Variants in PDLIM5 observed in about 807,000 individuals in gnomAD.
PDLIM5 encodes the protein PDZ and LIM domain protein 5.
A neutral mutation model predicts 64.2 loss-of-function variants in PDLIM5; 34 were observed. The observed-to-expected ratio is 0.53, with a 90% CI of 0.40 to 0.71. The LOEUF (loss-of-function observed/expected upper bound fraction) is 0.71. Ranked by LOEUF, PDLIM5 falls within the 30% of genes least tolerant of loss-of-function variation. The probability of loss-of-function intolerance (pLI) is 0.00; values close to 1 mark genes in which losing one functional copy is unlikely to be tolerated. For synonymous variants in PDLIM5, 253 were observed against 269.1 expected, an observed-to-expected ratio of 0.94 and a Z score of 0.59; for missense variants, 683 against 733.6, an observed-to-expected ratio of 0.93 and a Z score of 0.80.
At chr4:94,587,951 A>G (rs1578427870) in intron 7 of PDLIM5, 1 of 980,448 alleles carries the variant, frequency 1.0e-6, no homozygotes, top group South Asian at 4.7e-5. Flanking sequence ...GACGTAAACT[A>G]CTGTGCACTG....
intron 7 of PDLIM5, chr4:94,607,958 TG>T: frequency 1.4e-6 from 1 of 723,032 alleles, no homozygotes; most frequent in Non-Finnish European, 2.1e-6. Context: ...TTCCCAAAAT[TG>T]AACTAGTAGA....
intron 2 of PDLIM5, among the ~76,000 whole-genome samples, chr4:94,503,011 G>A (rs1371454364): frequency 1.3e-5 from 2 of 152,094 alleles, no homozygotes; most frequent in Non-Finnish European, 2.9e-5. Context: ...CTTTGGTAAG[G>A]TTTTTTCCTT....
At chr4:94,524,780 A>G (rs1416007946) in intron 3 of PDLIM5, among the ~76,000 whole-genome samples, 1 of 152,202 alleles carries the variant, frequency 6.6e-6, no homozygotes, top group Non-Finnish European at 1.5e-5. Flanking sequence ...TTCTGGAAGG[A>G]AAGACCAGGA....
chr4:94,497,233 G>T (rs1227749993), intron 2 of PDLIM5, among the ~76,000 whole-genome samples: 1 of 152,128 alleles, frequency 6.6e-6, no homozygotes, highest in Non-Finnish European at 1.5e-5. Flanking sequence ...GATGGCTTTT[G>T]TATCCCTAAT....
chr4:94,551,242 A>G (rs994712646), intron 3 of PDLIM5, among the ~76,000 whole-genome samples: 15 of 152,104 alleles, frequency 9.9e-5, no homozygotes, highest in African/African-American at 3.6e-4. Context: ...TTATTTATTA[A>G]CATTATTTAA....
chr4:94,503,274 A>C (rs1430231008), intron 2 of PDLIM5, among the ~76,000 whole-genome samples: 2 of 152,198 alleles, frequency 1.3e-5, no homozygotes, highest in African/African-American at 4.8e-5. Context: ...TAAACTGCTG[A>C]GCAAACTCAG....
rs749286104 is a variant in PDLIM5 at position 94,654,618 on chromosome 4, G to T, written c.1442G>T (p.Arg481Leu). ...AAATTCTTTGCCCCTGAATGTGGTC[G>T]ATGCCAAAGGAAGATCCTTGGAGTA... is the stretch of plus-strand genomic sequence containing the variant. ...YEKFFAPECG[R>L]CQRKILGEVI... Residue 481 changes from arginine (R) to leucine (L), a missense_variant, in exon 10 of 13, where the codon CGA becomes CTA. Transcript: ENST00000317968. 6.2e-7 allele frequency: 1 copy of T among 1,609,188 alleles called. No individual in the cohort carries two copies. The highest frequency in any genetic ancestry group is 2.2e-5 in the East Asian group (1 of 44,842).
chr4:94,519,173 A>G (rs1729620597), intron 2 of PDLIM5, among the ~76,000 whole-genome samples: 1 of 152,204 alleles, frequency 6.6e-6, no homozygotes, highest in Admixed American at 6.5e-5. Flanking sequence ...AGCAGAAGGA[A>G]GTTTAAGGAA....
At chr4:94,559,056 G>C (rs1307293046) in intron 3 of PDLIM5, among the ~76,000 whole-genome samples, 1 of 152,080 alleles carries the variant, frequency 6.6e-6, no homozygotes, top group Non-Finnish European at 1.5e-5. Context: ...GATTAGCCTA[G>C]TAAGAAATTG....
intron 2 of PDLIM5, among the ~76,000 whole-genome samples, chr4:94,501,423 T>A (rs1428583592): frequency 6.6e-6 from 1 of 152,190 alleles, no homozygotes; most frequent in Non-Finnish European, 1.5e-5. Context: ...TGGTCTTTGC[T>A]GTTCCAGTGT....
chr4:94,575,651 T>C lies in PDLIM5; in HGVS notation c.327T>C (p.Ile109=). The C allele has an allele frequency of 1.2e-6, 2 of 1,603,630 alleles. No individual in the cohort carries two copies. The highest frequency in any genetic ancestry group is 1.7e-6 in the Non-Finnish European group (2 of 1,173,130). The change falls in exon 5 of 13, where the codon ATT becomes ATC. Residue 109 remains isoleucine (I), a synonymous_variant. Transcript: ENST00000317968. ...AAGAAGTAGTTAAACCTGTGCCCAT[T>C]ACATCTCCTGCTGTGTCCAAAGTCA... The part of the protein sequence containing the change: ...EPKEVVKPVP[I]TSPAVSKVTS...
At chr4:94,589,201 C>G (rs1319525841) in intron 7 of PDLIM5, among the ~76,000 whole-genome samples, 2 of 151,952 alleles carry the variant, frequency 1.3e-5, no homozygotes, top group East Asian at 1.9e-4. Flanking sequence ...TATTTTCCAC[C>G]AAGAATCCAA....
chr4:94,469,789 T>G (rs1412181664), intron 2 of PDLIM5, among the ~76,000 whole-genome samples: 4 of 152,142 alleles, frequency 2.6e-5, no homozygotes, highest in Non-Finnish European at 5.9e-5. Context: ...TTTAAAATTT[T>G]TTTTGAGCAA....
At chr4:94,506,971 C>T (rs1253341902) in intron 2 of PDLIM5, among the ~76,000 whole-genome samples, 7 of 152,318 alleles carry the variant, frequency 4.6e-5, no homozygotes, top group Middle Eastern at 3.4e-3. Context: ...CCTTCTGTTC[C>T]TCCTGCCTTT....
Position 94,545,741 on chromosome 4 carries a change from C to T in PDLIM5, c.248+21866C>T, listed in dbSNP as rs186176756. ...TGGGTGCTGAATAAAACAAACTGCC[C>T]TAGTCTAGTTGTTCTCTTATTGTTG... is the stretch of plus-strand genomic sequence containing the variant. On this transcript the variant is annotated intron_variant, in intron 3 of 12. Coordinates refer to ENST00000317968, the MANE Select transcript of PDLIM5 (RefSeq NM_006457.5). Among the ~76,000 whole-genome samples, 12 of 152,212 alleles carry T rather than the reference C, an allele frequency of 7.9e-5. No individual in the cohort carries two copies. The East Asian group carries it at 2.1e-3, about 27-fold the overall frequency.
At chr4:94,521,022 G>C (rs1482333600) in intron 2 of PDLIM5, among the ~76,000 whole-genome samples, 1 of 152,158 alleles carries the variant, frequency 6.6e-6, no homozygotes. Flanking sequence ...GAAAGTTTTA[G>C]AAAACCTACA....
intron 3 of PDLIM5, among the ~76,000 whole-genome samples, chr4:94,527,654 A>AGCAAAG (rs1163085490): frequency 6.6e-6 from 1 of 152,194 alleles, no homozygotes; most frequent in East Asian, 1.9e-4. Context: ...AACTGAGATG[A>AGCAAAG]GCAAAGGTGT....
At chr4:94,471,942 G>A (rs1264471171) in intron 2 of PDLIM5, among the ~76,000 whole-genome samples, 3 of 151,834 alleles carry the variant, frequency 2.0e-5, no homozygotes, top group Non-Finnish European at 2.9e-5. Flanking sequence ...ATAAGTATTT[G>A]TACTTACAAA....
chr4:94,551,547 C>T (rs774573510), intron 3 of PDLIM5, among the ~76,000 whole-genome samples: 8 of 152,102 alleles, frequency 5.3e-5, no homozygotes, highest in Non-Finnish European at 8.8e-5. Flanking sequence ...TTTTTCACTT[C>T]ATAGCCCATA....
Sources: gnomAD v4.1 joint callset for allele counts (sites outside exome capture counted in the v4.1 genomes callset) on GRCh38, gnomAD v4.1.1 for gene constraint, MANE v1.5 for transcripts, NCBI Gene and HGNC (gene_info 2026-07-23, HGNC 2026-07-21) for gene names.